The following ZNF385D variants were observed in gnomAD, a reference collection of about 807,000 sequenced individuals.
ZNF385D encodes the protein zinc finger protein 659.
A neutral mutation model predicts 35.8 loss-of-function variants in ZNF385D; 15 were observed. The ratio of observed to expected loss-of-function variants is 0.42; its 90% CI spans 0.28 to 0.64. The LOEUF (loss-of-function observed/expected upper bound fraction) is 0.64. Ranked by LOEUF, ZNF385D falls within the 30% of genes least tolerant of loss-of-function variation. The pLI is 0.23. For missense variants in ZNF385D, 474 were observed against 494.6 expected, an observed-to-expected ratio of 0.96 and a Z score of 0.39; for synonymous variants, 212 against 186.8, an observed-to-expected ratio of 1.13 and a Z score of -1.10.
At chr3:21,865,924 C>T (rs554977887) in intron 3 of ZNF385D, among the ~76,000 whole-genome samples, 9 of 151,780 alleles carry the variant, frequency 5.9e-5, no homozygotes, top group South Asian at 2.1e-4. Flanking sequence ...TGTGATAATG[C>T]GAAGGACACT....
At chr3:22,344,026 A>C (rs1286316652) in intron 2 of ZNF385D, among the ~76,000 whole-genome samples, 1 of 152,138 alleles carries the variant, frequency 6.6e-6, no homozygotes, top group African/African-American at 2.4e-5. Context: ...CTCTTCCTTC[A>C]TGATGCCTTC....
In ZNF385D at chr3:22,239,284, G is replaced by A. The variant is rs145696384; in HGVS notation, c.107-70249C>T. Among the ~76,000 whole-genome samples the A allele has an allele frequency of 2.7e-4, 41 of 151,054 alleles. 1 individual carries two copies. The East Asian group carries it at 7.3e-3, about 27-fold the overall frequency. On this transcript the variant is annotated intron_variant, in intron 2 of 5. Transcript: ENST00000494108. Reference sequence around the variant, plus strand: ...ATCATTCATTCAGGTATTGTGCGTGGTGCTTTCACGCTAAAATGGTAACAT... The same window carrying A: ...ATCATTCATTCAGGTATTGTGCGTGATGCTTTCACGCTAAAATGGTAACAT...
intron 1 of ZNF385D, among the ~76,000 whole-genome samples, chr3:21,666,694 C>A (rs1383674603): frequency 6.6e-6 from 1 of 152,092 alleles, no homozygotes; most frequent in Non-Finnish European, 1.5e-5. Context: ...TAGTGATAGA[C>A]CTGTCATGAG....
rs1305221526 is a variant in ZNF385D at position 21,417,941 on chromosome 3, G to A, written c.*3273C>T. 6.6e-6 allele frequency: 1 copy of A among 152,120 alleles called. No homozygotes were observed. The highest frequency in any genetic ancestry group is 1.5e-5 in the Non-Finnish European group (1 of 68,008). The allele number at this position is 152,120 out of a possible 1,614,324, so 9.4% of individuals were successfully genotyped here. ...GCAGGGGTGATATAAATTGCCAAAA[G>A]CCAAGTATGTTTGCTTATGTGAATA... On this transcript the variant is annotated 3_prime_UTR_variant, in exon 8 of 8. Transcript: ENST00000281523.
intron 3 of ZNF385D, among the ~76,000 whole-genome samples, chr3:21,814,626 G>T (rs1007706105): frequency 1.3e-5 from 2 of 152,162 alleles, no homozygotes; most frequent in Non-Finnish European, 2.9e-5. Flanking sequence ...TCAACAAGAA[G>T]AGCTAACTAT....
intron 2 of ZNF385D, among the ~76,000 whole-genome samples, chr3:21,587,666 G>C (rs2063850031): frequency 1.3e-5 from 2 of 152,160 alleles, no homozygotes; most frequent in South Asian, 2.1e-4. Flanking sequence ...GTTCAGTGTT[G>C]AGGTTAAATA....
At chr3:21,692,502 G>C (rs890175025) in intron 1 of ZNF385D, among the ~76,000 whole-genome samples, 4 of 152,012 alleles carry the variant, frequency 2.6e-5, no homozygotes, top group Non-Finnish European at 4.4e-5. Context: ...CCCATATTTG[G>C]CCATTAAAAC....
chr3:22,320,998 C>T (rs73039246), intron 2 of ZNF385D, among the ~76,000 whole-genome samples: 2,824 of 151,704 alleles, frequency 0.019, 40 homozygotes, highest in Non-Finnish European at 0.03. Context: ...AACAAATTTG[C>T]GGAAAAACAT....
rs528399402 is a variant in ZNF385D at position 22,140,144 on chromosome 3, A to G, written c.325+28673T>C. Among the ~76,000 whole-genome samples, 18 of 152,334 alleles carry G rather than the reference A, an allele frequency of 1.2e-4. No individual in the cohort carries two copies. The South Asian group carries it at 3.5e-3, about 30-fold the overall frequency. ...TTTATTTCCTCACAGAACTCTGTAC[A>G]TAAATGTTTATAGGAGCTTTGTAAT... On this transcript the variant is annotated intron_variant, in intron 3 of 5. Transcript: ENST00000494108.
At chr3:22,043,402 A>T (rs1698792650) in intron 3 of ZNF385D, among the ~76,000 whole-genome samples, 1 of 152,162 alleles carries the variant, frequency 6.6e-6, no homozygotes, top group African/African-American at 2.4e-5. Context: ...CTACAAACAT[A>T]GGCATAGATA....
At chr3:22,239,097 C>G (rs1699348350) in intron 2 of ZNF385D, among the ~76,000 whole-genome samples, 1 of 150,842 alleles carries the variant, frequency 6.6e-6, no homozygotes, top group Non-Finnish European at 1.5e-5. Flanking sequence ...ATTCCAAAGC[C>G]TTAACTCACA....
intron 3 of ZNF385D, among the ~76,000 whole-genome samples, chr3:21,947,077 A>C (rs1701826471): frequency 6.6e-6 from 1 of 152,180 alleles, no homozygotes; most frequent in African/African-American, 2.4e-5. Context: ...AAATTTTTCC[A>C]AATGGAATTT....
At chr3:22,168,818 A>G in exon 3 of ZNF385D, 5 of 985,780 alleles carry the variant, frequency 5.1e-6, no homozygotes, top group Non-Finnish European at 4.8e-6. Context: ...AAAGCTTACC[A>G]TTGTCATTTT....
In ZNF385D at chr3:22,030,256, CATATATATATATATATATATATAT is replaced by C. The variant is rs71044967; in HGVS notation, c.325+138537_325+138560del. On this transcript the variant is annotated intron_variant, in intron 3 of 5. Coordinates refer to the ZNF385D transcript ENST00000494108. ...CAAGTTAATACTTAATAAACTCATT[CATATATATATATATATATATATAT>C]ATATATATATATATATATATATCCT... Among the ~76,000 whole-genome samples the C allele has an allele frequency of 8.5e-3, 184 of 21,742 alleles. 13 individuals are homozygous for C. The highest frequency in any genetic ancestry group is 0.035 in the South Asian group (18 of 510). 14.3% of individuals were successfully genotyped at this position (21,742 alleles called of 152,430 possible).
chr3:22,343,931 TA>T (rs202126238), intron 2 of ZNF385D, among the ~76,000 whole-genome samples: 2 of 151,732 alleles, frequency 1.3e-5, no homozygotes, highest in South Asian at 2.1e-4. Context: ...CCACATCCAT[TA>T]AAAAAAATGA....
intron 6 of ZNF385D, 97 bp from the exon 7 acceptor site, chr3:21,424,161 C>A: frequency 8.9e-7 from 1 of 1,117,522 alleles, no homozygotes; most frequent in Non-Finnish European, 1.2e-6. Flanking sequence ...TTCATTATTT[C>A]ATGCAAGTTT....
At chr3:21,892,972 T>G (rs935916614) in intron 3 of ZNF385D, among the ~76,000 whole-genome samples, 1 of 152,154 alleles carries the variant, frequency 6.6e-6, no homozygotes, top group African/African-American at 2.4e-5. Flanking sequence ...ATGTATTTGG[T>G]CCTATGTAAA....
At chr3:22,369,480 A>C (rs1402566397) in intron 2 of ZNF385D, among the ~76,000 whole-genome samples, 1 of 152,152 alleles carries the variant, frequency 6.6e-6, no homozygotes, top group Non-Finnish European at 1.5e-5. Flanking sequence ...CTGCCAAAAA[A>C]TAAAACAACT....
intron 2 of ZNF385D, among the ~76,000 whole-genome samples, chr3:22,363,253 A>C (rs1696500120): frequency 6.6e-6 from 1 of 152,028 alleles, no homozygotes; most frequent in Admixed American, 6.6e-5. Flanking sequence ...AGTCAAGCAG[A>C]CCCCAGCTTC....
Sources: gnomAD v4.1 joint callset for allele counts (sites outside exome capture counted in the v4.1 genomes callset) on GRCh38, gnomAD v4.1.1 for gene constraint, MANE v1.5 for transcripts, NCBI Gene and HGNC (gene_info 2026-07-23, HGNC 2026-07-21) for gene names.